NAV2: variants seen among roughly 807,000 people sequenced by gnomAD.
NAV2 encodes helicase, APC down-regulated 1.
In NAV2, 54 loss-of-function variants were observed where a neutral mutation model predicts 223.2. The observed-to-expected ratio is 0.24, with a 90% CI of 0.19 to 0.30. The LOEUF (loss-of-function observed/expected upper bound fraction) is 0.30. NAV2 is among the 10% of genes least tolerant of loss of function. NAV2 has a pLI of 1.00. For synonymous variants in NAV2, 1,279 were observed against 1,239.3 expected, an observed-to-expected ratio of 1.03 and a Z score of -0.67; for missense variants, 2,806 against 3,147.5, an observed-to-expected ratio of 0.89 and a Z score of 2.60.
At chr11:20,095,065 G>T (rs923437100) in intron 29 of NAV2, among the ~76,000 whole-genome samples, 1 of 152,032 alleles carries the variant, frequency 6.6e-6, no homozygotes, top group East Asian at 1.9e-4. Flanking sequence ...CATGTTTTAA[G>T]TTTTAACAAG....
intron 3 of NAV2, among the ~76,000 whole-genome samples, chr11:19,844,948 A>G (rs544688456): frequency 5.9e-5 from 9 of 152,252 alleles, no homozygotes; most frequent in African/African-American, 2.2e-4. Flanking sequence ...AGTTCAGCGT[A>G]CAGGATGTGA....
intron 1 of NAV2, among the ~76,000 whole-genome samples, chr11:19,751,647 C>T (rs559166390): frequency 2.6e-5 from 4 of 152,184 alleles, no homozygotes; most frequent in Non-Finnish European, 5.9e-5. Flanking sequence ...TTGACCAACC[C>T]ATCTAAACTA....
intron 1 of NAV2, among the ~76,000 whole-genome samples, chr11:19,564,108 C>T (rs974148176): frequency 6.6e-6 from 1 of 152,242 alleles, no homozygotes; most frequent in African/African-American, 2.4e-5. Context: ...GACCCCTACC[C>T]CTCCAGGGAA....
At chr11:20,105,805 C>G in intron 35 of NAV2, 78 bp downstream of exon 35, 1 of 1,142,470 alleles carries the variant, frequency 8.8e-7, no homozygotes, top group Non-Finnish European at 1.3e-6. Context: ...CAGGACAGCA[C>G]TTTGCAGGCA....
chr11:19,567,601 AAG>A (rs1285235837), intron 1 of NAV2, among the ~76,000 whole-genome samples: 1 of 152,096 alleles, frequency 6.6e-6, no homozygotes, highest in African/African-American at 2.4e-5. Flanking sequence ...CTGTAGCTCT[AAG>A]ACTCTTGGTG....
At chr11:19,855,507 T>A (rs2061366347) in intron 3 of NAV2, among the ~76,000 whole-genome samples, 1 of 152,168 alleles carries the variant, frequency 6.6e-6, no homozygotes, top group African/African-American at 2.4e-5. Context: ...GTGAGAGGGC[T>A]CCCACATTGG....
intron 25 of NAV2, among the ~76,000 whole-genome samples, 180 bp from the exon 26 acceptor site, chr11:20,082,827 A>G (rs2060173460): frequency 6.6e-6 from 1 of 152,182 alleles, no homozygotes; most frequent in African/African-American, 2.4e-5. Flanking sequence ...TCAAGCTGGC[A>G]ACACCAGATA....
rs147038654 is a variant in NAV2, at chr11:19,898,752, C to A, written c.931+6158C>A. Reference sequence around the variant, plus strand: ...CAAATTTTGCTCCCAAAAGATTATACCTATTTATATACCCATCAACAAGAT... The same window carrying A: ...CAAATTTTGCTCCCAAAAGATTATAACTATTTATATACCCATCAACAAGAT... On this transcript the variant is annotated intron_variant, in intron 6 of 37. Coordinates refer to ENST00000349880, the MANE Select transcript of NAV2 (RefSeq NM_145117.5). Among the ~76,000 whole-genome samples, 245 of 152,232 alleles carry A rather than the reference C, an allele frequency of 1.6e-3. 2 individuals carry two copies. Among genetic ancestry groups the A allele is most frequent in the African/African-American group, 5.7e-3 (235 of 41,542 alleles).
At chr11:19,988,830 A>G (rs2051045172) in intron 11 of NAV2, among the ~76,000 whole-genome samples, 1 of 152,180 alleles carries the variant, frequency 6.6e-6, no homozygotes, top group Non-Finnish European at 1.5e-5. Context: ...AGAGCCCAGG[A>G]CACTGCTTGG....
intron 1 of NAV2, among the ~76,000 whole-genome samples, chr11:19,684,873 C>G (rs1231238040): frequency 1.3e-5 from 2 of 152,204 alleles, no homozygotes; most frequent in Non-Finnish European, 2.9e-5. Context: ...GGCACATTGC[C>G]CAAAGTTGGG....
chr11:19,925,844 T>C (rs2153232852), intron 6 of NAV2, among the ~76,000 whole-genome samples: 1 of 152,258 alleles, frequency 6.6e-6, no homozygotes, highest in Admixed American at 6.5e-5. Context: ...TTCTTTCCCC[T>C]ATTGAATAGT....
At chr11:19,491,977 GAGAGAGAGAA>G (rs1471761624) in intron 1 of NAV2, among the ~76,000 whole-genome samples, 1,784 of 151,284 alleles carry the variant, frequency 0.012, 30 homozygotes, top group African/African-American at 0.043. Flanking sequence ...GAGAGAGAGA[GAGAGAGAGAA>G]AGAGAGATGG....
chr11:19,584,816 GA>G lies in NAV2; in HGVS notation c.75+233791del, dbSNP rs1212175978. Among the ~76,000 whole-genome samples, 3 of 152,204 alleles carry G rather than the reference GA, an allele frequency of 2.0e-5. No individual in the cohort carries two copies. The East Asian group carries it at 5.8e-4, about 29-fold the overall frequency. ...ACTTCCAACTATGTGGTCAATTTTG[GA>G]ATAGGTGTGATGTGGTGCTGAAAAG... On this transcript the variant is annotated intron_variant, in intron 1 of 37. Coordinates refer to the NAV2 transcript ENST00000360655.
At chr11:19,752,029 C>T (rs1191328320) in intron 1 of NAV2, among the ~76,000 whole-genome samples, 6 of 152,194 alleles carry the variant, frequency 3.9e-5, no homozygotes. Context: ...TTCATGTTCT[C>T]ACCGTCCCTC....
intron 1 of NAV2, among the ~76,000 whole-genome samples, chr11:19,407,900 C>T (rs1360797997): frequency 6.6e-6 from 1 of 152,118 alleles, no homozygotes; most frequent in African/African-American, 2.4e-5. Context: ...GTGGTTGGGA[C>T]TGATAAGTAA....
chr11:19,870,439 A>G (rs907255737), intron 4 of NAV2, among the ~76,000 whole-genome samples: 18 of 152,030 alleles, frequency 1.2e-4, no homozygotes, highest in African/African-American at 4.1e-4. Flanking sequence ...AGGGACTTTT[A>G]CAGAGGTGTG....
chr11:19,348,202 C>T (rs1016685630), upstream of NAV2, among the ~76,000 whole-genome samples: 1 of 152,214 alleles, frequency 6.6e-6, no homozygotes, highest in African/African-American at 2.4e-5. Flanking sequence ...GAGGGAGCTC[C>T]AGCACAGGGG....
At chr11:19,378,079 G>A (rs2133904932) in intron 1 of NAV2, among the ~76,000 whole-genome samples, 1 of 152,330 alleles carries the variant, frequency 6.6e-6, no homozygotes, top group South Asian at 2.1e-4. Flanking sequence ...CCTCTCCAGA[G>A]AGACAGGAGC....
intron 12 of NAV2, among the ~76,000 whole-genome samples, chr11:20,037,379 A>G (rs987562692): frequency 3.3e-5 from 5 of 152,134 alleles, no homozygotes; most frequent in African/African-American, 1.2e-4. Flanking sequence ...CTAAAAAAAA[A>G]AAAAAGGATG....
Sources: allele counts gnomAD v4.1 joint callset (sites outside exome capture counted in the v4.1 genomes callset), GRCh38; gene constraint gnomAD v4.1.1; transcripts MANE v1.5; gene names NCBI Gene and HGNC (gene_info 2026-07-23, HGNC 2026-07-21).